The following RUNX1 variants were observed in gnomAD, a reference collection of about 807,000 sequenced individuals.
RUNX1 encodes RUNX family transcription factor 1, also known as runt-related transcription factor 1.
In RUNX1, 19 loss-of-function variants were observed where a neutral mutation model predicts 42.8. The observed-to-expected ratio is 0.44, with a 90% CI of 0.31 to 0.65. RUNX1 has a LOEUF of 0.65. Ranked by LOEUF, RUNX1 falls within the 30% of genes least tolerant of loss-of-function variation. The pLI, the probability that RUNX1 is intolerant of heterozygous loss-of-function variation, is 0.07. For synonymous variants in RUNX1, 271 were observed against 289.4 expected (o/e 0.94, Z 0.64); for missense variants, 528 against 672.0 (o/e 0.79, Z 2.37).
At position 34,958,335 on chromosome 21, in the gene RUNX1, A is replaced by T. The variant is rs2058659690; in HGVS notation, c.59-65372T>A. On this transcript the variant is annotated intron_variant, in intron 2 of 8. Transcript: ENST00000675419. ...TTTTAAGTCCTTCCTTGCTCTAAAG[A>T]CTCAAACAAATTTACAAGAAAAAAA... Among the ~76,000 whole-genome samples, 3 of 152,262 alleles carry T rather than the reference A, an allele frequency of 2.0e-5. No homozygotes were observed. In the South Asian group the frequency reaches 6.2e-4, roughly 32 times the overall value.
chr21:34,876,171 G>T (rs548828322), intron 5 of RUNX1, among the ~76,000 whole-genome samples: 1 of 152,158 alleles, frequency 6.6e-6, no homozygotes, highest in Non-Finnish European at 1.5e-5. Context: ...CGAGGGAAGC[G>T]ACTGTCCTTT....
intron 2 of RUNX1, among the ~76,000 whole-genome samples, chr21:35,043,338 G>A (rs1264193358): frequency 6.6e-6 from 1 of 152,168 alleles, no homozygotes; most frequent in African/African-American, 2.4e-5. Flanking sequence ...TGATGGGGAG[G>A]AGCAGGGGAG....
intron 6 of RUNX1, among the ~76,000 whole-genome samples, chr21:34,846,976 T>C (rs2146152435): frequency 6.6e-6 from 1 of 152,192 alleles, no homozygotes; most frequent in African/African-American, 2.4e-5. Flanking sequence ...GGGTGTAACA[T>C]TTCACCTCCC....
At chr21:34,847,932 T>TC (rs2057340270) in intron 6 of RUNX1, among the ~76,000 whole-genome samples, 1 of 151,420 alleles carries the variant, frequency 6.6e-6, no homozygotes, top group African/African-American at 2.4e-5. Flanking sequence ...TTTTTTCTTC[T>TC]TTTTTTTTAA....
At chr21:34,932,436 C>T (rs1228580101) in intron 2 of RUNX1, among the ~76,000 whole-genome samples, 1 of 152,152 alleles carries the variant, frequency 6.6e-6, no homozygotes, top group African/African-American at 2.4e-5. Flanking sequence ...TATACCACTG[C>T]TGGGTTGTGG....
intron 2 of RUNX1, among the ~76,000 whole-genome samples, chr21:34,966,648 C>T (rs528461169): frequency 1.3e-5 from 2 of 152,278 alleles, no homozygotes; most frequent in Admixed American, 1.3e-4. Context: ...TTACTTTTTC[C>T]CCAAGGATCA....
chr21:34,929,973 A>C (rs2058427204), intron 2 of RUNX1, among the ~76,000 whole-genome samples: 1 of 151,908 alleles, frequency 6.6e-6, no homozygotes, highest in Non-Finnish European at 1.5e-5. Context: ...ATGCAAAAGA[A>C]TAAGATACAA....
At chr21:34,964,159 T>G (rs1485752888) in intron 2 of RUNX1, among the ~76,000 whole-genome samples, 1 of 151,958 alleles carries the variant, frequency 6.6e-6, no homozygotes, top group African/African-American at 2.4e-5. Context: ...CTGGAACAAG[T>G]GATGCCAACA....
chr21:34,823,616 G>A (rs2056943752), intron 7 of RUNX1, among the ~76,000 whole-genome samples: 1 of 151,914 alleles, frequency 6.6e-6, no homozygotes, highest in South Asian at 2.1e-4. Context: ...GCTGATTTTT[G>A]TATTTTTAGT....
Position 35,005,664 on chromosome 21 carries a change from C to G in RUNX1, c.58+43178G>C, listed in dbSNP as rs369566994. 6.6e-5 allele frequency among the ~76,000 whole-genome samples: 10 copies of G among 152,182 alleles called. No individual in the cohort carries two copies. In the East Asian group the frequency reaches 9.6e-4, roughly 15 times the overall value. On this transcript the variant is annotated intron_variant, in intron 2 of 8. Coordinates refer to ENST00000675419, the MANE Select transcript of RUNX1 (RefSeq NM_001754.5). ...CAGCTCAGACTCTGCTGGACCGACC[C>G]TGATATACCTGCTCAGCACTCGCCA...
At chr21:34,938,926 AGG>A (rs1199064412) in intron 2 of RUNX1, among the ~76,000 whole-genome samples, 1 of 152,188 alleles carries the variant, frequency 6.6e-6, no homozygotes, top group African/African-American at 2.4e-5. Context: ...GTTGAGATCA[AGG>A]GACTTTATTC....
rs1424734599 is a variant in RUNX1, at chr21:34,792,005, G to A, written c.*130C>T. ...TACAGCGAGATCCTGGCCGTCGGGC[G>A]CCCTCGGCCCCAGGACGGTGGCCGG... On this transcript the variant is annotated 3_prime_UTR_variant, in exon 9 of 9. Coordinates refer to ENST00000675419, the MANE Select transcript of RUNX1 (RefSeq NM_001754.5). This position sits in a 1 kb window ranked among gnomAD's most constrained non-coding sequence, Gnocchi z 6.9. The A allele has an allele frequency of 1.9e-6, 1 of 531,530 alleles. No homozygotes were observed. Among genetic ancestry groups the A allele is most frequent in the Non-Finnish European group, 3.1e-6 (1 of 321,420 alleles). 32.9% of individuals were successfully genotyped at this position (531,530 alleles called of 1,614,324 possible).
At chr21:35,032,758 A>T (rs1270120518) in intron 2 of RUNX1, among the ~76,000 whole-genome samples, 4 of 152,330 alleles carry the variant, frequency 2.6e-5, no homozygotes, top group East Asian at 3.9e-4. Context: ...CTGCTCTAAT[A>T]TTCCCACATA....
At chr21:34,846,662 C>T (rs1425935949) in intron 6 of RUNX1, among the ~76,000 whole-genome samples, 2 of 152,150 alleles carry the variant, frequency 1.3e-5, no homozygotes, top group Non-Finnish European at 2.9e-5. Flanking sequence ...CCAGGTCAGG[C>T]CACTCCCTCG....
intron 7 of RUNX1, among the ~76,000 whole-genome samples, chr21:34,823,741 C>A (rs2056945839): frequency 6.6e-6 from 1 of 152,114 alleles, no homozygotes; most frequent in African/African-American, 2.4e-5. Context: ...CTGTGCCTGG[C>A]CCCTGGTGTG....
At chr21:34,892,510 C>T (rs2058091401) in intron 3 of RUNX1, among the ~76,000 whole-genome samples, 1 of 152,166 alleles carries the variant, frequency 6.6e-6, no homozygotes, top group African/African-American at 2.4e-5. Flanking sequence ...AAGCTGAGGA[C>T]ATTTTAAAAT....
At chr21:35,032,957 T>C (rs148933081) in intron 2 of RUNX1, among the ~76,000 whole-genome samples, 64 of 152,322 alleles carry the variant, frequency 4.2e-4, no homozygotes, top group African/African-American at 1.4e-3. Context: ...CATCCATTGG[T>C]CCATCTATCT....
chr21:34,855,524 G>A (rs1273650008), intron 6 of RUNX1, among the ~76,000 whole-genome samples: 1 of 152,108 alleles, frequency 6.6e-6, no homozygotes, highest in Non-Finnish European at 1.5e-5. Flanking sequence ...GGCCAACATG[G>A]TGAAACCCCG....
At chr21:34,855,118 G>A (rs571125063) in intron 6 of RUNX1, among the ~76,000 whole-genome samples, 24 of 152,108 alleles carry the variant, frequency 1.6e-4, no homozygotes, top group African/African-American at 4.6e-4. Context: ...TGTTCCAGAC[G>A]TAACAAACAC....
Sources: allele counts gnomAD v4.1 joint callset (sites outside exome capture counted in the v4.1 genomes callset), GRCh38; gene constraint gnomAD v4.1.1; non-coding constraint Gnocchi (gnomAD v3.1); transcripts MANE v1.5; gene names NCBI Gene and HGNC (gene_info 2026-07-23, HGNC 2026-07-21).